The following SPACA7 variants were observed in gnomAD, a reference collection of about 807,000 sequenced individuals.
SPACA7 encodes sperm acrosome-associated protein 7.
Under a neutral mutation model 26.3 loss-of-function variants are expected in SPACA7, and 19 were observed. The ratio of observed to expected loss-of-function variants is 0.72; its 90% confidence interval spans 0.50 to 1.06. The LOEUF (loss-of-function observed/expected upper bound fraction) is 1.06, where lower values mean the gene tolerates loss of function less well. Among genes scored for constraint, SPACA7 ranks in the 50% least tolerant of loss-of-function variants. The pLI, the probability that SPACA7 is intolerant of heterozygous loss-of-function variation, is 0.00. For missense variants in SPACA7, 211 were observed against 229.9 expected, an observed-to-expected ratio of 0.92 and a Z score of 0.53; for synonymous variants, 84 against 84.5, an observed-to-expected ratio of 0.99 and a Z score of 0.04.
At chr13:112,391,657 T>C (rs1884896172) in intron 1 of SPACA7, among the ~76,000 whole-genome samples, 1 of 152,218 alleles carries the variant, frequency 6.6e-6, no homozygotes, top group Non-Finnish European at 1.5e-5. Context: ...ACAATGCACT[T>C]TAAAAACCGC....
chr13:112,413,419 C>A (rs11617105), intron 5 of SPACA7, among the ~76,000 whole-genome samples: 84,623 of 151,148 alleles, frequency 0.56, 23,932 homozygotes, highest in South Asian at 0.67. Context: ...TCCCTCCTGG[C>A]CTATAAAGTT....
At chr13:112,393,939 T>C (rs1413495969) in intron 2 of SPACA7, among the ~76,000 whole-genome samples, 1 of 148,888 alleles carries the variant, frequency 6.7e-6, no homozygotes, top group Non-Finnish European at 1.5e-5. Context: ...TAAGCTGAGA[T>C]CGCAGCATTG....
chr13:112,432,405 T>G, intron 5 of SPACA7, 39 bp from the exon 6 acceptor site: 1 of 1,502,632 alleles, frequency 6.7e-7, no homozygotes, highest in Non-Finnish European at 9.3e-7. Flanking sequence ...CTTAATTATT[T>G]ACAAAGAGTG....
intron 5 of SPACA7, among the ~76,000 whole-genome samples, chr13:112,422,589 C>T (rs7337825): frequency 0.015 from 2,349 of 152,260 alleles, 60 homozygotes; most frequent in African/African-American, 0.053. Flanking sequence ...TCATGCAAAG[C>T]ATGTTATCTG....
At chr13:112,390,328 G>T (rs1217100812) in intron 1 of SPACA7, among the ~76,000 whole-genome samples, 2 of 152,186 alleles carry the variant, frequency 1.3e-5, no homozygotes, top group African/African-American at 4.8e-5. Context: ...GAGAGGAGCA[G>T]AGCCAGTGCC....
At chr13:112,398,607 A>G (rs9577742) in intron 3 of SPACA7, among the ~76,000 whole-genome samples, 12,510 of 152,124 alleles carry the variant, frequency 0.082, 1,104 homozygotes, top group East Asian at 0.28. Context: ...ACAGTGAGTC[A>G]TGAACCAACA....
At chr13:112,418,659 T>C (rs1227447287) in intron 5 of SPACA7, among the ~76,000 whole-genome samples, 1 of 152,172 alleles carries the variant, frequency 6.6e-6, no homozygotes, top group Non-Finnish European at 1.5e-5. Context: ...TACACAGGAT[T>C]TTCACAGACA....
At position 112,390,426 on chromosome 13, in the gene SPACA7, A is replaced by ATGGG. The variant is rs549048467; in HGVS notation, c.95-2594_95-2591dup. On this transcript the variant is annotated intron_variant, in intron 1 of 6. Transcript: ENST00000283550. ...GTGCAATTGAGCTCCATTCCTTTTC[A>ATGGG]TGGGCATGTGTTCAAAAAATGGCAG... Among the ~76,000 whole-genome samples the ATGGG allele has an allele frequency of 2.7e-4, 41 of 152,156 alleles. No homozygotes were observed. In the South Asian group the frequency reaches 8.5e-3, roughly 32 times the overall value.
intron 5 of SPACA7, among the ~76,000 whole-genome samples, chr13:112,404,632 G>T (rs1885856680): frequency 6.6e-6 from 1 of 152,152 alleles, no homozygotes; most frequent in Non-Finnish European, 1.5e-5. Context: ...TCTTCTACAT[G>T]TGGCTTGTCA....
chr13:112,425,891 T>C (rs1040592117), intron 5 of SPACA7, among the ~76,000 whole-genome samples: 5 of 152,162 alleles, frequency 3.3e-5, no homozygotes, highest in Admixed American at 6.5e-5. Flanking sequence ...CAGAGTTCCA[T>C]CTGCCAGGTC....
rs544481915 is a variant in SPACA7 at position 112,430,638 on chromosome 13, G to A, written c.446-1806G>A. Among the ~76,000 whole-genome samples the A allele has an allele frequency of 7.9e-5, 12 of 152,278 alleles. 1 individual carries two copies. Among genetic ancestry groups the A allele is most frequent in the East Asian group, 3.9e-4 (2 of 5,174 alleles). ...GCCCCTGGGTTCTCCCAGCTCAGCC[G>A]CATACAGCCTCAGTGCCCTTAGGAA... On this transcript the variant is annotated intron_variant, in intron 5 of 6. Coordinates refer to ENST00000283550, the MANE Select transcript of SPACA7 (RefSeq NM_145248.5).
At chr13:112,385,158 T>C (rs1884443280) in intron 1 of SPACA7, among the ~76,000 whole-genome samples, 1 of 152,236 alleles carries the variant, frequency 6.6e-6, no homozygotes, top group African/African-American at 2.4e-5. Flanking sequence ...CCCACAGAAT[T>C]TTGTATAAGA....
chr13:112,400,372 G>A (rs367986278), intron 4 of SPACA7, among the ~76,000 whole-genome samples: 10 of 152,194 alleles, frequency 6.6e-5, no homozygotes, highest in African/African-American at 2.4e-4. Flanking sequence ...TGTGGTGTTT[G>A]CCAACTGGCG....
chr13:112,404,035 C>T (rs1885817181), intron 5 of SPACA7, among the ~76,000 whole-genome samples: 1 of 152,178 alleles, frequency 6.6e-6, no homozygotes, highest in African/African-American at 2.4e-5. Context: ...CTTTACATTC[C>T]CACCAGCAGT....
intron 1 of SPACA7, among the ~76,000 whole-genome samples, chr13:112,389,128 G>T (rs1326246217): frequency 2.0e-5 from 3 of 152,204 alleles, no homozygotes; most frequent in Non-Finnish European, 2.9e-5. Context: ...CAAGCAAGAA[G>T]AAGTTTGCTT....
chr13:112,384,381 A>T (rs937172203), intron 1 of SPACA7, among the ~76,000 whole-genome samples: 3 of 152,090 alleles, frequency 2.0e-5, no homozygotes, highest in Non-Finnish European at 4.4e-5. Flanking sequence ...GGAGTTTTAC[A>T]TAATTTTGGA....
chr13:112,394,808 C>A (rs1885129331), intron 2 of SPACA7, among the ~76,000 whole-genome samples: 1 of 152,206 alleles, frequency 6.6e-6, no homozygotes, highest in African/African-American at 2.4e-5. Flanking sequence ...CAGCCACCCC[C>A]AGAGAAACAG....
At chr13:112,406,790 CTA>C (rs1306348812) in intron 5 of SPACA7, among the ~76,000 whole-genome samples, 1 of 152,152 alleles carries the variant, frequency 6.6e-6, no homozygotes, top group Non-Finnish European at 1.5e-5. Flanking sequence ...GTTACATTCG[CTA>C]TGTTTCTTCA....
intron 5 of SPACA7, among the ~76,000 whole-genome samples, chr13:112,403,733 G>T (rs1885794555): frequency 6.6e-6 from 1 of 152,038 alleles, no homozygotes; most frequent in African/African-American, 2.4e-5. Flanking sequence ...TTCCATCCAG[G>T]TTGCTATGAA....
Sources: gnomAD v4.1 joint callset for allele counts (sites outside exome capture counted in the v4.1 genomes callset) on GRCh38, gnomAD v4.1.1 for gene constraint, MANE v1.5 for transcripts, NCBI Gene and HGNC (gene_info 2026-07-23, HGNC 2026-07-21) for gene names.